WIPF1: variants seen among roughly 807,000 people sequenced by gnomAD.
The protein encoded by WIPF1 is WAS/WASL interacting protein family member 1, also known as WAS/WASL-interacting protein family member 1.
Under a neutral mutation model 35.4 loss-of-function variants are expected in WIPF1, and 13 were observed. That is an observed-to-expected ratio of 0.37 (90% CI 0.24 to 0.58). The LOEUF (loss-of-function observed/expected upper bound fraction) is 0.58, where lower values mean the gene tolerates loss of function less well. Among genes scored for constraint, WIPF1 ranks in the 20% least tolerant of loss-of-function variants. The pLI, the probability that WIPF1 is intolerant of heterozygous loss-of-function variation, is 0.74. For synonymous variants in WIPF1, 267 were observed against 266.3 expected (o/e 1.00, Z -0.02); for missense variants, 591 against 667.0 (o/e 0.89, Z 1.25).
At chr2:174,585,354 T>G (rs1410952283) in intron 2 of WIPF1, among the ~76,000 whole-genome samples, 169 bp downstream of exon 2, 1 of 152,204 alleles carries the variant, frequency 6.6e-6, no homozygotes, top group Non-Finnish European at 1.5e-5. Context: ...TTCGTGTTGT[T>G]TGTATTTGCT....
intron 3 of WIPF1, 142 bp from the exon 4 acceptor site, chr2:174,575,522 A>G (rs1198474816): frequency 3.5e-6 from 5 of 1,421,870 alleles, no homozygotes; most frequent in Non-Finnish European, 4.6e-6. Flanking sequence ...CAGGATTTTA[A>G]GAGTTCCCTC....
intron 1 of WIPF1, among the ~76,000 whole-genome samples, chr2:174,603,027 C>G (rs1686054776): frequency 6.6e-6 from 1 of 152,190 alleles, no homozygotes; most frequent in South Asian, 2.1e-4. Flanking sequence ...TTGTGATCAT[C>G]AGAATCAAGG....
intron 1 of WIPF1, among the ~76,000 whole-genome samples, chr2:174,648,163 A>G (rs1425913590): frequency 3.9e-5 from 6 of 152,238 alleles, no homozygotes; most frequent in African/African-American, 1.4e-4. Context: ...TCGAGATTTT[A>G]TTAATTAGTG....
chr2:174,619,761 G>A (rs1368721329), intron 1 of WIPF1, among the ~76,000 whole-genome samples: 1 of 152,080 alleles, frequency 6.6e-6, no homozygotes, highest in African/African-American at 2.4e-5. Flanking sequence ...TGACAGTACA[G>A]TAAGACCCTG....
intron 1 of WIPF1, among the ~76,000 whole-genome samples, chr2:174,618,307 G>C (rs1490645567): frequency 6.6e-6 from 1 of 152,196 alleles, no homozygotes; most frequent in Admixed American, 6.5e-5. Context: ...TAATGCACGA[G>C]GCAACTCATG....
At chr2:174,602,809 T>C (rs1016210636) in intron 1 of WIPF1, among the ~76,000 whole-genome samples, 8 of 152,186 alleles carry the variant, frequency 5.3e-5, no homozygotes, top group Non-Finnish European at 8.8e-5. Context: ...CTGCAGTGTA[T>C]TCTGTTGTGT....
At chr2:174,658,261 A>C (rs2105971028) in intron 1 of WIPF1, among the ~76,000 whole-genome samples, 1 of 152,318 alleles carries the variant, frequency 6.6e-6, no homozygotes, top group Non-Finnish European at 1.5e-5. Flanking sequence ...CACCCACACA[A>C]AAAAAGAGAC....
At chr2:174,654,275 T>G (rs143595439) in intron 1 of WIPF1, among the ~76,000 whole-genome samples, 1 of 152,238 alleles carries the variant, frequency 6.6e-6, no homozygotes, top group African/African-American at 2.4e-5. Context: ...CACTTGGGAA[T>G]AGACAACAAA....
chr2:174,635,525 G>GTTTTTTTTTTTTT (rs1179795195), intron 1 of WIPF1, among the ~76,000 whole-genome samples: 6 of 126,192 alleles, frequency 4.8e-5, no homozygotes, highest in African/African-American at 1.6e-4. Context: ...GGTGCCTTCT[G>GTTTTTTTTTTTTT]TTTGTTTTTT....
intron 1 of WIPF1, among the ~76,000 whole-genome samples, chr2:174,592,756 C>A (rs528338481): frequency 6.6e-6 from 1 of 152,080 alleles, no homozygotes; most frequent in Admixed American, 6.5e-5. Context: ...CAGGCGTGTG[C>A]CATCACACTT....
chr2:174,602,528 A>G (rs74459243), upstream of WIPF1, among the ~76,000 whole-genome samples: 1,639 of 152,334 alleles, frequency 0.011, 12 homozygotes, highest in Non-Finnish European at 0.017. Flanking sequence ...GACTCCTTAT[A>G]GATTTTTAGG....
At chr2:174,619,826 C>G (rs1686620220) in intron 1 of WIPF1, among the ~76,000 whole-genome samples, 1 of 151,890 alleles carries the variant, frequency 6.6e-6, no homozygotes, top group African/African-American at 2.4e-5. Flanking sequence ...CCTGTAGTCC[C>G]AGTTACTTGG....
chr2:174,611,774 A>AT (rs1686354923), intron 1 of WIPF1, among the ~76,000 whole-genome samples: 1 of 152,170 alleles, frequency 6.6e-6, no homozygotes, highest in South Asian at 2.1e-4. Context: ...ATGATGTTGA[A>AT]TTTTTTTGAG....
chr2:174,584,266 T>C (rs1343295250), intron 2 of WIPF1, among the ~76,000 whole-genome samples: 5 of 152,222 alleles, frequency 3.3e-5, no homozygotes, highest in Admixed American at 3.3e-4. Context: ...CTTTCAACTT[T>C]TGTCCTCATC....
intron 1 of WIPF1, among the ~76,000 whole-genome samples, chr2:174,624,539 C>G (rs568821826): frequency 3.8e-4 from 58 of 152,170 alleles, no homozygotes; most frequent in Non-Finnish European, 7.8e-4. Flanking sequence ...TTTGTCATCA[C>G]CTGTTCAGAG....
intron 1 of WIPF1, among the ~76,000 whole-genome samples, chr2:174,674,841 T>C (rs1007266878): frequency 5.3e-5 from 8 of 151,636 alleles, no homozygotes; most frequent in African/African-American, 1.7e-4. Context: ...TGGAAAGTAA[T>C]ACTCCTTTAG....
At chr2:174,675,597 T>G (rs998321361) in intron 1 of WIPF1, among the ~76,000 whole-genome samples, 3 of 152,172 alleles carry the variant, frequency 2.0e-5, no homozygotes, top group African/African-American at 4.8e-5. Flanking sequence ...CAAGTGATCC[T>G]CCTGCCTCAG....
intron 1 of WIPF1, among the ~76,000 whole-genome samples, chr2:174,663,670 T>A (rs1574867091): frequency 6.6e-6 from 1 of 152,226 alleles, no homozygotes; most frequent in African/African-American, 2.4e-5. Context: ...GATATGAAAG[T>A]CACTGTGGGA....
At chr2:174,598,879 C>T (rs1685905086), upstream of WIPF1, among the ~76,000 whole-genome samples, 1 of 152,164 alleles carries the variant, frequency 6.6e-6, no homozygotes, top group Non-Finnish European at 1.5e-5. Flanking sequence ...TTTATCAAAA[C>T]CTTGAGTTAT....
Sources: allele counts gnomAD v4.1 joint callset (sites outside exome capture counted in the v4.1 genomes callset), GRCh38; gene constraint gnomAD v4.1.1; transcripts MANE v1.5; gene names NCBI Gene and HGNC (gene_info 2026-07-23, HGNC 2026-07-21).